The following TRDN variants were observed in gnomAD, a reference collection of about 807,000 sequenced individuals.
The protein encoded by TRDN is triadin in skeletal muscle.
Under a neutral mutation model 149.7 loss-of-function variants are expected in TRDN, and 161 were observed. The observed-to-expected ratio is 1.08, with a 90% CI of 0.95 to 1.23. The LOEUF is 1.23. TRDN is among the 50% of genes most tolerant of loss of function. The pLI is 0.00. For synonymous variants in TRDN, 294 were observed against 250.5 expected (o/e 1.17, Z -1.64); for missense variants, 896 against 823.5 (o/e 1.09, Z -1.08).
At chr6:123,225,593 A>G (rs545323618) in intron 38 of TRDN, among the ~76,000 whole-genome samples, 14 of 151,636 alleles carry the variant, frequency 9.2e-5, no homozygotes, top group Non-Finnish European at 1.9e-4. Context: ...GGCCATGTTA[A>G]TTAGCTTGAT....
At chr6:123,387,035 G>A (rs923382404) in intron 14 of TRDN, among the ~76,000 whole-genome samples, 1 of 152,124 alleles carries the variant, frequency 6.6e-6, no homozygotes, top group African/African-American at 2.4e-5. Context: ...GTTAACACTT[G>A]TAGAGTACAT....
intron 9 of TRDN, among the ~76,000 whole-genome samples, chr6:123,480,082 T>C (rs1441699541): frequency 1.3e-5 from 2 of 152,026 alleles, no homozygotes; most frequent in African/African-American, 2.4e-5. Context: ...CTCTGAGGTG[T>C]TGAATGGTAG....
At chr6:123,351,993 A>C in intron 21 of TRDN, 1 of 978,408 alleles carries the variant, frequency 1.0e-6, no homozygotes, top group Non-Finnish European at 1.2e-6. Context: ...TGCATTAACT[A>C]TTTTATACCA....
intron 24 of TRDN, among the ~76,000 whole-genome samples, chr6:123,288,006 G>A (rs1475435080): frequency 2.7e-5 from 4 of 149,968 alleles, no homozygotes; most frequent in Non-Finnish European, 5.9e-5. Context: ...CAAACAAAAT[G>A]TCAATGGCAT....
At chr6:123,495,347 C>T (rs960598071) in intron 9 of TRDN, among the ~76,000 whole-genome samples, 3 of 151,778 alleles carry the variant, frequency 2.0e-5, no homozygotes, top group East Asian at 2.0e-4. Flanking sequence ...GGTGAAACCC[C>T]GTCTCTACTA....
At chr6:123,250,324 A>G (rs888290149) in intron 38 of TRDN, among the ~76,000 whole-genome samples, 1 of 152,042 alleles carries the variant, frequency 6.6e-6, no homozygotes, top group Non-Finnish European at 1.5e-5. Context: ...CAGCTATTTC[A>G]TGAAGCTCCT....
chr6:123,349,904 C>A (rs775812076), intron 21 of TRDN: 10 of 985,128 alleles, frequency 1.0e-5, no homozygotes, highest in Non-Finnish European at 1.2e-5. Flanking sequence ...GGTGTTGTGA[C>A]AACGTAAAAC....
chr6:123,391,401 GATATT>G (rs1782108161), intron 13 of TRDN, among the ~76,000 whole-genome samples: 1 of 151,852 alleles, frequency 6.6e-6, no homozygotes. Context: ...TACTCTATCA[GATATT>G]AGTTCTTCAA....
intron 35 of TRDN, among the ~76,000 whole-genome samples, chr6:123,257,090 C>T (rs143287478): frequency 0.023 from 3,469 of 151,852 alleles, 142 homozygotes; most frequent in African/African-American, 0.079. Flanking sequence ...AAGTGATTCT[C>T]CTGCCTCAGC....
chr6:123,591,777 A>C (rs1783797159), intron 1 of TRDN, among the ~76,000 whole-genome samples: 1 of 152,246 alleles, frequency 6.6e-6, no homozygotes, highest in African/African-American at 2.4e-5. Context: ...AAGGACTTTT[A>C]AATGAGCTTG....
At chr6:123,607,944 C>T (rs1440777080) in intron 1 of TRDN, among the ~76,000 whole-genome samples, 1 of 151,582 alleles carries the variant, frequency 6.6e-6, no homozygotes, top group Non-Finnish European at 1.5e-5. Flanking sequence ...CCACCTCGGC[C>T]TCCCAAAGTG....
chr6:123,468,069 T>C (rs1316460771), intron 9 of TRDN, among the ~76,000 whole-genome samples: 1 of 152,164 alleles, frequency 6.6e-6, no homozygotes, highest in African/African-American at 2.4e-5. Flanking sequence ...ATTAATTCTT[T>C]TCCCGATAAT....
intron 2 of TRDN, among the ~76,000 whole-genome samples, chr6:123,556,764 C>G (rs1034755125): frequency 6.6e-6 from 1 of 152,098 alleles, no homozygotes; most frequent in African/African-American, 2.4e-5. Context: ...GTCTGTCCCT[C>G]TCCTCTAGAG....
chr6:123,312,336 C>T lies in TRDN; in HGVS notation c.1510+4121G>A, dbSNP rs543333525. Among the ~76,000 whole-genome samples, 10 of 151,984 alleles carry T rather than the reference C, an allele frequency of 6.6e-5. No individual in the cohort carries two copies. The South Asian group carries it at 1.0e-3, about 16-fold the overall frequency. On this transcript the variant is annotated intron_variant, in intron 24 of 40. Transcript: ENST00000334268. ...CACTCCTGAGAGAGCAAGAGCAACCCGTCCTTTTCCTCCTCCTCCTCAGCC... is the reference window on the plus strand; with the variant it reads ...CACTCCTGAGAGAGCAAGAGCAACCTGTCCTTTTCCTCCTCCTCCTCAGCC...
At chr6:123,588,704 G>T (rs1259446021) in intron 1 of TRDN, among the ~76,000 whole-genome samples, 1 of 151,990 alleles carries the variant, frequency 6.6e-6, no homozygotes. Flanking sequence ...CCTCTTGAAG[G>T]CCCCTATCTA....
chr6:123,267,485 A>C (rs1457477352), intron 32 of TRDN, among the ~76,000 whole-genome samples: 4 of 152,038 alleles, frequency 2.6e-5, no homozygotes, highest in African/African-American at 7.2e-5. Flanking sequence ...ATCAAATCTA[A>C]TTTGTTAATT....
intron 1 of TRDN, among the ~76,000 whole-genome samples, chr6:123,620,415 T>G (rs568053300): frequency 1.3e-5 from 2 of 152,170 alleles, no homozygotes; most frequent in Non-Finnish European, 2.9e-5. Flanking sequence ...AGAATAAAAC[T>G]TATTCGGAAT....
In TRDN at chr6:123,571,034, C is replaced by G; in HGVS notation, c.121G>C (p.Val41Leu). The change falls in exon 2 of 41, where the codon GTG becomes CTG. Residue 41 changes from valine (V) to leucine (L), a missense_variant. Physicochemically the swap from Val to Leu is conservative, Grantham distance 32 (BLOSUM62 1). Transcript: ENST00000334268. ...VLKRTVTEDIVTTFSSPAAWL... is the reference protein window; with the variant it reads ...VLKRTVTEDILTTFSSPAAWL... ...GCTGCAGGGGAGCTGAACGTCGTCA[C>G]TATGTCTTCTGTGACTGTCCTCTTC... The G allele has an allele frequency of 6.2e-7, 1 of 1,614,000 alleles. No homozygotes were observed. The highest frequency in any genetic ancestry group is 8.5e-7 in the Non-Finnish European group (1 of 1,179,878).
At chr6:123,346,291 GT>G (rs1198113085) in intron 21 of TRDN, among the ~76,000 whole-genome samples, 1 of 151,780 alleles carries the variant, frequency 6.6e-6, no homozygotes, top group Non-Finnish European at 1.5e-5. Flanking sequence ...AGGGTCATGT[GT>G]TTTTTTCTTC....
Sources: allele counts gnomAD v4.1 joint callset (sites outside exome capture counted in the v4.1 genomes callset), GRCh38; gene constraint gnomAD v4.1.1; transcripts MANE v1.5; gene names NCBI Gene and HGNC (gene_info 2026-07-23, HGNC 2026-07-21).